MTHFD1L: variants seen among roughly 807,000 people sequenced by gnomAD.
The protein encoded by MTHFD1L is monofunctional C1-tetrahydrofolate synthase, mitochondrial.
Under a neutral mutation model 119.5 loss-of-function variants are expected in MTHFD1L, and 81 were observed. That is an observed-to-expected ratio of 0.68 (90% CI 0.57 to 0.82). The LOEUF (loss-of-function observed/expected upper bound fraction) is 0.82. Among genes scored for constraint, MTHFD1L ranks in the 40% least tolerant of loss-of-function variants. The pLI, the probability that MTHFD1L is intolerant of heterozygous loss-of-function variation, is 0.00. For missense variants in MTHFD1L, 1,125 were observed against 1,253.4 expected (o/e 0.90, Z 1.55); for synonymous variants, 430 against 475.2 (o/e 0.90, Z 1.24).
chr6:151,034,385 C>G, intron 24 of MTHFD1L, 108 bp from the exon 25 acceptor site: 1 of 751,316 alleles, frequency 1.3e-6, no homozygotes, highest in Non-Finnish European at 2.3e-6. Context: ...TGAGGGGGTA[C>G]TCTGATAAGG....
In MTHFD1L at chr6:150,932,185, A is replaced by AG. The variant is rs1554253694; in HGVS notation, c.1257-4618dup. 4.7e-3 allele frequency among the ~76,000 whole-genome samples: 703 copies of AG among 148,376 alleles called. 16 individuals are homozygous for AG. Among genetic ancestry groups the AG allele is most frequent in the African/African-American group, 0.017 (658 of 38,960 alleles). Reference sequence around the variant, plus strand: ...TCAAAAAAAAAAAAAAAAAAAAAAAAGCATCATTCCATTGTCAACCCTTTT... The same window carrying AG: ...TCAAAAAAAAAAAAAAAAAAAAAAAAGGCATCATTCCATTGTCAACCCTTTT... On this transcript the variant is annotated intron_variant, in intron 11 of 27. Transcript: ENST00000367321.
At chr6:150,907,434 A>T (rs189907504) in intron 8 of MTHFD1L, among the ~76,000 whole-genome samples, 151 of 152,368 alleles carry the variant, frequency 9.9e-4, no homozygotes, top group African/African-American at 3.5e-3. Flanking sequence ...TTATGCACAG[A>T]TAAACCCATC....
chr6:151,012,106 T>A (rs562562687), intron 21 of MTHFD1L, among the ~76,000 whole-genome samples: 31 of 148,664 alleles, frequency 2.1e-4, no homozygotes, highest in African/African-American at 7.8e-4. Flanking sequence ...TGGGCTCCAG[T>A]AGTACCTTCT....
At chr6:150,918,358 C>T (rs1305267276) in intron 8 of MTHFD1L, among the ~76,000 whole-genome samples, 6 of 152,180 alleles carry the variant, frequency 3.9e-5, no homozygotes, top group South Asian at 4.1e-4. Context: ...CCACTGCACC[C>T]GGCCAGATGG....
rs967481057 is a variant in MTHFD1L at position 150,926,904 on chromosome 6, C to G, written c.1256+609C>G. Among the ~76,000 whole-genome samples the G allele has an allele frequency of 1.3e-5, 2 of 152,104 alleles. No individual in the cohort carries two copies. The highest frequency in any genetic ancestry group is 4.8e-5 in the African/African-American group (2 of 41,420). ...TTAAAAAAAGAAGTACATTCACTAG[C>G]TGAAAAGATGATAGAAAGCAAGGGA... On this transcript the variant is annotated intron_variant, in intron 11 of 27. Coordinates refer to ENST00000367321, the MANE Select transcript of MTHFD1L (RefSeq NM_015440.5). The surrounding 1 kb of genome is among the most constrained non-coding windows in gnomAD (Gnocchi z 4.3).
At chr6:151,068,913 A>T (rs1206069667) in intron 26 of MTHFD1L, among the ~76,000 whole-genome samples, 1 of 152,162 alleles carries the variant, frequency 6.6e-6, no homozygotes, top group Non-Finnish European at 1.5e-5. Flanking sequence ...ACTTGGCTCA[A>T]TTTCTTGGAA....
intron 11 of MTHFD1L, chr6:150,935,111 A>T (rs1419222556): frequency 1.9e-6 from 3 of 1,613,916 alleles, no homozygotes; most frequent in Non-Finnish European, 2.5e-6. Context: ...TGTAAATACC[A>T]TACCTACCAA....
intron 26 of MTHFD1L, among the ~76,000 whole-genome samples, chr6:151,046,348 A>T (rs1262937021): frequency 6.6e-6 from 1 of 151,226 alleles, no homozygotes; most frequent in Admixed American, 6.6e-5. Flanking sequence ...TGCTTATAAC[A>T]CTTTTGTGTC....
chr6:151,100,394 A>G (rs1795276838), intron 27 of MTHFD1L, among the ~76,000 whole-genome samples: 1 of 152,104 alleles, frequency 6.6e-6, no homozygotes, highest in African/African-American at 2.4e-5. Context: ...TTAGGGGAGT[A>G]TTTGAAGCTC....
rs1792164358 is a variant in MTHFD1L, at chr6:150,936,903, G to C, written c.1356G>C (p.Leu452Phe). The C allele has an allele frequency of 1.2e-6, 2 of 1,614,022 alleles. No homozygotes were observed. The highest frequency in any genetic ancestry group is 1.7e-6 in the Non-Finnish European group (2 of 1,180,034). The change falls in exon 12 of 28, where the codon TTG becomes TTC. Residue 452 changes from leucine to phenylalanine, a missense_variant. Physicochemically the swap from Leu to Phe is conservative, Grantham distance 22. This residue lies in a region of MTHFD1L where 1,058 missense variants were observed against 1,151.2 expected (regional missense o/e 0.92). Transcript: ENST00000367321. ...TGAATGTCAACTCCTTTGCCTGCTT[G>C]AGGCAGCCTTCCCAAGGACCGACGT... ...AHLNVNSFAC[L>F]RQPSQGPTFG... is the part of the protein sequence containing the mutation.
intron 26 of MTHFD1L, among the ~76,000 whole-genome samples, chr6:151,053,448 T>C (rs566560223): frequency 2.3e-4 from 35 of 152,342 alleles, no homozygotes; most frequent in Middle Eastern, 3.4e-3. Flanking sequence ...AAAATACTTA[T>C]AGGTCAGGTC....
chr6:150,964,083 C>T (rs764960175), intron 18 of MTHFD1L, among the ~76,000 whole-genome samples: 2 of 152,134 alleles, frequency 1.3e-5, no homozygotes, highest in Admixed American at 6.5e-5. Context: ...GCAGAAGAAT[C>T]GCTTGAACCC....
intron 24 of MTHFD1L, among the ~76,000 whole-genome samples, chr6:151,029,833 C>T (rs978110749): frequency 2.6e-5 from 4 of 152,302 alleles, no homozygotes; most frequent in African/African-American, 7.2e-5. Flanking sequence ...GCCATCCACT[C>T]GCATCAATTT....
chr6:151,099,715 A>C, intron 27 of MTHFD1L: 3 of 1,610,638 alleles, frequency 1.9e-6, no homozygotes, highest in Non-Finnish European at 8.5e-7. Flanking sequence ...TGGGAGCAAC[A>C]AAAAAACAAA....
intron 21 of MTHFD1L, among the ~76,000 whole-genome samples, chr6:151,010,278 C>G (rs1055295502): frequency 6.6e-6 from 1 of 152,138 alleles, no homozygotes; most frequent in Non-Finnish European, 1.5e-5. Flanking sequence ...AGCTTCACAT[C>G]TGATACTCAG....
At chr6:150,928,927 T>C (rs1790524829) in intron 11 of MTHFD1L, among the ~76,000 whole-genome samples, 1 of 152,208 alleles carries the variant, frequency 6.6e-6, no homozygotes. Flanking sequence ...ATTCATCCTT[T>C]GCTCCACACC....
At chr6:150,900,390 A>G (rs1166958639) in intron 7 of MTHFD1L, among the ~76,000 whole-genome samples, 1 of 152,020 alleles carries the variant, frequency 6.6e-6, no homozygotes, top group Non-Finnish European at 1.5e-5. Context: ...ATCTCTAACC[A>G]TTTAAGATTA....
At chr6:150,969,842 C>CAT (rs1706942477) in intron 19 of MTHFD1L, among the ~76,000 whole-genome samples, 1 of 152,150 alleles carries the variant, frequency 6.6e-6, no homozygotes, top group Non-Finnish European at 1.5e-5. Flanking sequence ...TCAGGATGTT[C>CAT]CGTGTCATCG....
At chr6:151,009,140 AAAGAGTAAG>A (rs1781850080) in intron 20 of MTHFD1L, among the ~76,000 whole-genome samples, 1 of 141,844 alleles carries the variant, frequency 7.1e-6, no homozygotes, top group African/African-American at 2.6e-5. Flanking sequence ...AAAAAAAAAA[AAAGAGTAAG>A]AAAGGATCTT....
Sources: allele counts gnomAD v4.1 joint callset (sites outside exome capture counted in the v4.1 genomes callset), GRCh38; gene constraint gnomAD v4.1.1; regional missense constraint gnomAD v4.1.1; non-coding constraint Gnocchi (gnomAD v3.1); transcripts MANE v1.5; gene names NCBI Gene and HGNC (gene_info 2026-07-23, HGNC 2026-07-21).